DSCAM: variants seen among roughly 807,000 people sequenced by gnomAD.
DSCAM encodes the protein cell adhesion molecule DSCAM.
Under a neutral mutation model 217.7 loss-of-function variants are expected in DSCAM, and 47 were observed. The observed-to-expected ratio is 0.22, with a 90% CI of 0.17 to 0.28. The LOEUF is 0.28. Among genes scored for constraint, DSCAM ranks in the 10% least tolerant of loss-of-function variants. The pLI is 1.00. For missense variants in DSCAM, 2,080 were observed against 2,618.3 expected (o/e 0.79, Z 4.49); for synonymous variants, 1,056 against 1,015.3 (o/e 1.04, Z -0.76).
rs551521760 is a variant in DSCAM at position 40,348,936 on chromosome 21, T to C, written c.935-991A>G. On this transcript the variant is annotated intron_variant, in intron 5 of 32. Transcript: ENST00000400454. Reference sequence around the variant, plus strand: ...GTGGGAGGATCACGAGGTCAGGAGATGGAGACCATCCTGGCTAACACAGTG... The same window carrying C: ...GTGGGAGGATCACGAGGTCAGGAGACGGAGACCATCCTGGCTAACACAGTG... 4.0e-4 allele frequency among the ~76,000 whole-genome samples: 61 copies of C among 151,576 alleles called. 3 individuals are homozygous for C. In the South Asian group the frequency reaches 0.012, roughly 30 times the overall value.
At chr21:40,448,854 T>C (rs2075696563) in intron 3 of DSCAM, among the ~76,000 whole-genome samples, 1 of 152,230 alleles carries the variant, frequency 6.6e-6, no homozygotes, top group African/African-American at 2.4e-5. Flanking sequence ...TTGTTGCTGC[T>C]ATAACAAACT....
chr21:40,106,589 C>A (rs1601335172), intron 20 of DSCAM, among the ~76,000 whole-genome samples: 1 of 152,106 alleles, frequency 6.6e-6, no homozygotes, highest in East Asian at 1.9e-4. Context: ...AGCCATGAAT[C>A]CATCTAATCT....
intron 3 of DSCAM, among the ~76,000 whole-genome samples, chr21:40,599,903 C>T (rs2077049729): frequency 6.6e-6 from 1 of 152,032 alleles, no homozygotes; most frequent in Admixed American, 6.5e-5. Flanking sequence ...AAGATGAAAC[C>T]AGGAAGAAGT....
chr21:40,060,593 G>A (rs1051197872), intron 28 of DSCAM, among the ~76,000 whole-genome samples: 6 of 152,170 alleles, frequency 3.9e-5, no homozygotes, highest in Admixed American at 2.6e-4. Context: ...TGGGGGCTGC[G>A]GTGGTGAGCA....
chr21:40,554,838 C>T (rs4816689), intron 3 of DSCAM, among the ~76,000 whole-genome samples: 68,240 of 151,892 alleles, frequency 0.45, 16,601 homozygotes, highest in Admixed American at 0.55. Flanking sequence ...TTGTAACCAC[C>T]AACATGTTGT....
intron 3 of DSCAM, among the ~76,000 whole-genome samples, chr21:40,587,058 A>G (rs2076951856): frequency 6.6e-6 from 1 of 151,396 alleles, no homozygotes; most frequent in Admixed American, 6.6e-5. Flanking sequence ...TAGTAAAATT[A>G]TTATACTTAA....
chr21:40,544,522 T>C (rs1033573963), intron 3 of DSCAM, among the ~76,000 whole-genome samples: 43 of 152,058 alleles, frequency 2.8e-4, no homozygotes, highest in Middle Eastern at 3.4e-3. Context: ...AAGAACCCCC[T>C]GCGAAGATGA....
At chr21:40,796,229 T>C (rs1232011883) in intron 1 of DSCAM, among the ~76,000 whole-genome samples, 1 of 152,208 alleles carries the variant, frequency 6.6e-6, no homozygotes, top group African/African-American at 2.4e-5. Context: ...GCCATGTTCC[T>C]GACTCAGGCC....
At chr21:40,702,931 T>C (rs2090673129) in intron 2 of DSCAM, among the ~76,000 whole-genome samples, 1 of 152,212 alleles carries the variant, frequency 6.6e-6, no homozygotes, top group African/African-American at 2.4e-5. Context: ...CTTAATGCTA[T>C]TGTTGCTATA....
rs184401347 is a variant in DSCAM, at chr21:40,330,304, T to C, written c.1783+7797A>G. Among the ~76,000 whole-genome samples the C allele has an allele frequency of 3.2e-3, 478 of 147,394 alleles. 3 individuals are homozygous for C. Among genetic ancestry groups the C allele is most frequent in the Admixed American group, 9.0e-3 (132 of 14,628 alleles). Reference sequence around the variant, plus strand: ...TTATTATATTATATGCATATATTTATATATAATAAATTATATATTTATTAT... The same window carrying C: ...TTATTATATTATATGCATATATTTACATATAATAAATTATATATTTATTAT... On this transcript the variant is annotated intron_variant, in intron 8 of 32. Coordinates refer to ENST00000400454, the MANE Select transcript of DSCAM (RefSeq NM_001389.5).
At chr21:40,106,115 AG>A (rs1201311576) in intron 20 of DSCAM, among the ~76,000 whole-genome samples, 1 of 152,194 alleles carries the variant, frequency 6.6e-6, no homozygotes, top group Non-Finnish European at 1.5e-5. Context: ...GGAGGAGCAA[AG>A]GCATGTTTTA....
intron 8 of DSCAM, among the ~76,000 whole-genome samples, chr21:40,320,746 T>C (rs1222525182): frequency 1.3e-5 from 2 of 152,146 alleles, no homozygotes; most frequent in Non-Finnish European, 2.9e-5. Flanking sequence ...TCAGATCTCA[T>C]AAGACTTATT....
At chr21:40,196,247 G>A (rs1188383129) in intron 11 of DSCAM, among the ~76,000 whole-genome samples, 2 of 152,152 alleles carry the variant, frequency 1.3e-5, no homozygotes, top group East Asian at 3.9e-4. Flanking sequence ...GGGCCTGGGA[G>A]CAGAGAATCT....
intron 10 of DSCAM, among the ~76,000 whole-genome samples, chr21:40,291,440 C>A (rs1215237007): frequency 6.6e-6 from 1 of 152,202 alleles, no homozygotes; most frequent in Non-Finnish European, 1.5e-5. Context: ...CATACCCACT[C>A]CCCACTTGGG....
At chr21:40,703,345 A>G (rs1448671178) in intron 2 of DSCAM, among the ~76,000 whole-genome samples, 2 of 152,098 alleles carry the variant, frequency 1.3e-5, no homozygotes, top group Non-Finnish European at 2.9e-5. Context: ...GCGAGATTCC[A>G]TCTCTACAAA....
At position 40,055,831 on chromosome 21, in the gene DSCAM, G is replaced by A. The variant is rs1315933749; in HGVS notation, c.4929C>T (p.Thr1643=). ...GCTTGCTTAACGTATCTGAAGTCCG[G>A]GTATTCTTACTGGGAATAAAATGGG... ...SLAEMLMSKN[T]RTSDTLSKQQ... Residue 1643 remains threonine, a synonymous_variant, in exon 29 of 33, where the codon ACC becomes ACT. Coordinates refer to ENST00000400454, the MANE Select transcript of DSCAM (RefSeq NM_001389.5). 2 of 1,612,292 alleles carry A rather than the reference G, an allele frequency of 1.2e-6. No individual in the cohort carries two copies. The highest frequency in any genetic ancestry group is 1.7e-6 in the Non-Finnish European group (2 of 1,178,594).
intron 3 of DSCAM, among the ~76,000 whole-genome samples, chr21:40,482,474 A>G (rs1404649768): frequency 6.6e-6 from 1 of 152,194 alleles, no homozygotes. Flanking sequence ...TTTTTAATAT[A>G]GAGAATTTTT....
intron 5 of DSCAM, among the ~76,000 whole-genome samples, chr21:40,352,794 G>A (rs2074646730): frequency 6.6e-6 from 1 of 152,166 alleles, no homozygotes. Context: ...GAGCAAAATT[G>A]AGGGTGGTTG....
chr21:40,380,886 A>G (rs1601600608), intron 3 of DSCAM, among the ~76,000 whole-genome samples: 1 of 151,664 alleles, frequency 6.6e-6, no homozygotes, highest in Non-Finnish European at 1.5e-5. Flanking sequence ...ACACGGTGAA[A>G]CCCCGTCTCT....
Sources: gnomAD v4.1 joint callset for allele counts (sites outside exome capture counted in the v4.1 genomes callset) on GRCh38, gnomAD v4.1.1 for gene constraint, MANE v1.5 for transcripts, NCBI Gene and HGNC (gene_info 2026-07-23, HGNC 2026-07-21) for gene names.